ARHGAP24: variants seen among roughly 807,000 people sequenced by gnomAD.
ARHGAP24 encodes the protein Rho GTPase activating protein 24, also known as rho GTPase-activating protein 24.
ARHGAP24 carries 50 observed loss-of-function variants against 76.4 expected under a neutral mutation model. That is an observed-to-expected ratio of 0.65 (90% CI 0.52 to 0.83). The LOEUF (loss-of-function observed/expected upper bound fraction) is 0.83. Ranked by LOEUF, ARHGAP24 falls within the 40% of genes least tolerant of loss-of-function variation. The probability of loss-of-function intolerance (pLI) is 0.00; values close to 1 mark genes in which losing one functional copy is unlikely to be tolerated. For synonymous variants in ARHGAP24, 345 were observed against 323.3 expected, an observed-to-expected ratio of 1.07 and a Z score of -0.72; for missense variants, 930 against 914.2, an observed-to-expected ratio of 1.02 and a Z score of -0.22.
chr4:85,719,392 A>G (rs7691602), intron 2 of ARHGAP24, among the ~76,000 whole-genome samples: 11,416 of 152,208 alleles, frequency 0.075, 494 homozygotes, highest in Middle Eastern at 0.1. Context: ...GGAGAGGAAT[A>G]CTTCTAACAT....
chr4:85,624,559 T>G (rs958926337), intron 2 of ARHGAP24, among the ~76,000 whole-genome samples: 2 of 152,216 alleles, frequency 1.3e-5, no homozygotes, highest in African/African-American at 4.8e-5. Flanking sequence ...TTTTTGGTTG[T>G]GTCTCTGCCC....
intron 3 of ARHGAP24, among the ~76,000 whole-genome samples, chr4:85,823,078 T>G (rs951021179): frequency 6.6e-6 from 1 of 152,198 alleles, no homozygotes; most frequent in African/African-American, 2.4e-5. Flanking sequence ...GAACTAGAGT[T>G]ACTATTTTCT....
intron 1 of ARHGAP24, among the ~76,000 whole-genome samples, chr4:85,530,878 A>G (rs1182751961): frequency 6.6e-6 from 1 of 152,058 alleles, no homozygotes; most frequent in African/African-American, 2.4e-5. Context: ...TGAGTAAATA[A>G]ATGTTAAGCT....
At chr4:85,653,536 C>A (rs941541411) in intron 2 of ARHGAP24, among the ~76,000 whole-genome samples, 5 of 152,080 alleles carry the variant, frequency 3.3e-5, no homozygotes, top group African/African-American at 1.2e-4. Context: ...TGCAGTGTAG[C>A]GATCTCAGCT....
intron 3 of ARHGAP24, among the ~76,000 whole-genome samples, chr4:85,834,080 A>T (rs1187714587): frequency 6.6e-6 from 1 of 152,224 alleles, no homozygotes; most frequent in African/African-American, 2.4e-5. Flanking sequence ...TCAAAAAGCT[A>T]ACCTGTGAAT....
chr4:85,602,189 G>A (rs936584054), intron 2 of ARHGAP24, among the ~76,000 whole-genome samples: 8 of 152,158 alleles, frequency 5.3e-5, no homozygotes, highest in African/African-American at 1.9e-4. Context: ...ACTCTGCATG[G>A]AACATGAAAA....
At chr4:85,784,319 CTTGT>C (rs1169106003) in intron 3 of ARHGAP24, among the ~76,000 whole-genome samples, 1 of 151,500 alleles carries the variant, frequency 6.6e-6, no homozygotes, top group Non-Finnish European at 1.5e-5. Context: ...TTTCTTCCCT[CTTGT>C]TAGAGGGCTC....
Position 85,784,125 on chromosome 4 carries a change from A to G in ARHGAP24, c.268+62153A>G, listed in dbSNP as rs74563382. 6.3e-3 allele frequency among the ~76,000 whole-genome samples: 967 copies of G among 152,316 alleles called. 7 individuals carry two copies. Among genetic ancestry groups the G allele is most frequent in the African/African-American group, 0.021 (879 of 41,570 alleles). On this transcript the variant is annotated intron_variant, in intron 3 of 9. Coordinates refer to ENST00000395184, the MANE Select transcript of ARHGAP24 (RefSeq NM_001025616.3). ...TGAAATGACCTCTCAGAGGTTGCTC[A>G]TGATGGCTGAATTAACAGTTAAATT...
At chr4:85,583,119 T>C (rs1727685715) in intron 2 of ARHGAP24, among the ~76,000 whole-genome samples, 1 of 152,186 alleles carries the variant, frequency 6.6e-6, no homozygotes, top group Admixed American at 6.5e-5. Context: ...ATTAGCAATA[T>C]TACTGAGCTC....
At chr4:85,838,678 C>T (rs1468247757) in intron 3 of ARHGAP24, among the ~76,000 whole-genome samples, 1 of 152,048 alleles carries the variant, frequency 6.6e-6, no homozygotes, top group Non-Finnish European at 1.5e-5. Flanking sequence ...GGCAGATATG[C>T]CCCCCACTTC....
intron 2 of ARHGAP24, among the ~76,000 whole-genome samples, chr4:85,610,335 T>C (rs951177736): frequency 3.3e-5 from 5 of 150,730 alleles, no homozygotes; most frequent in African/African-American, 1.2e-4. Context: ...TCCCAGCTAC[T>C]TGGGAGGCTG....
intron 1 of ARHGAP24, among the ~76,000 whole-genome samples, chr4:85,512,670 A>G (rs1463890818): frequency 6.6e-6 from 1 of 152,232 alleles, no homozygotes; most frequent in Non-Finnish European, 1.5e-5. Flanking sequence ...TGATATTTAT[A>G]GAGCCAGAAT....
intron 2 of ARHGAP24, among the ~76,000 whole-genome samples, chr4:85,699,238 C>G (rs1723979327): frequency 6.6e-6 from 1 of 152,114 alleles, no homozygotes; most frequent in South Asian, 2.1e-4. Flanking sequence ...TTCTTGGCAC[C>G]TCCTTGTTAA....
At position 85,999,555 on chromosome 4, in the gene ARHGAP24, T is replaced by C. The variant is rs1164023465; in HGVS notation, c.2004-924T>C. On this transcript the variant is annotated intron_variant, in intron 9 of 9. Transcript: ENST00000395184. The stretch of plus-strand genomic sequence containing the variant: ...GCATTAACCTTTCAAATTTCAGTGG[T>C]ATGGTAAGTTTGAATGAGTCCCATG... Among the ~76,000 whole-genome samples the C allele has an allele frequency of 2.0e-5, 3 of 152,162 alleles. No homozygotes were observed. The South Asian group carries it at 6.2e-4, about 31-fold the overall frequency.
chr4:85,664,771 C>T (rs1722543928), intron 2 of ARHGAP24, among the ~76,000 whole-genome samples: 1 of 151,894 alleles, frequency 6.6e-6, no homozygotes, highest in Non-Finnish European at 1.5e-5. Context: ...TCGTTATGTA[C>T]CCAGTAGTCA....
At chr4:85,747,152 G>A (rs1487891480) in intron 3 of ARHGAP24, among the ~76,000 whole-genome samples, 4 of 152,226 alleles carry the variant, frequency 2.6e-5, no homozygotes, top group East Asian at 1.9e-4. Context: ...AGCAACATGA[G>A]CAAAGCTAAC....
chr4:85,734,246 A>G (rs1426446523), intron 3 of ARHGAP24, among the ~76,000 whole-genome samples: 1 of 152,204 alleles, frequency 6.6e-6, no homozygotes, highest in Non-Finnish European at 1.5e-5. Flanking sequence ...TTGACCTTGG[A>G]TTTAAAACTC....
At chr4:85,677,293 CT>C (rs1723019327) in intron 2 of ARHGAP24, among the ~76,000 whole-genome samples, 1 of 152,118 alleles carries the variant, frequency 6.6e-6, no homozygotes, top group South Asian at 2.1e-4. Context: ...TAGTCCTGAC[CT>C]TGGCAGGCAA....
intron 1 of ARHGAP24, among the ~76,000 whole-genome samples, chr4:85,561,063 T>A (rs548753276): frequency 1.3e-5 from 2 of 152,204 alleles, no homozygotes; most frequent in Non-Finnish European, 2.9e-5. Context: ...ATATTCTAGT[T>A]CATCTGATGG....
Sources: allele counts gnomAD v4.1 joint callset (sites outside exome capture counted in the v4.1 genomes callset), GRCh38; gene constraint gnomAD v4.1.1; transcripts MANE v1.5; gene names NCBI Gene and HGNC (gene_info 2026-07-23, HGNC 2026-07-21).